Variants in ABI2 observed in about 807,000 individuals in gnomAD.
ABI2 encodes the protein abl interactor 2.
In ABI2, 25 loss-of-function variants were observed where a neutral mutation model predicts 59.2. That is an observed-to-expected ratio of 0.42 (90% CI 0.31 to 0.59). The LOEUF (loss-of-function observed/expected upper bound fraction) is 0.59. Among genes scored for constraint, ABI2 ranks in the 20% least tolerant of loss-of-function variants. ABI2 has a pLI of 0.14. For missense variants in ABI2, 545 were observed against 681.8 expected (o/e 0.80, Z 2.23); for synonymous variants, 213 against 235.5 (o/e 0.90, Z 0.87).
chr2:203,365,436 C>T (rs1305558516), intron 1 of ABI2, among the ~76,000 whole-genome samples: 1 of 151,900 alleles, frequency 6.6e-6, no homozygotes, highest in South Asian at 2.1e-4. Context: ...TTGTCTGTAC[C>T]TTTTTCTTAT....
At chr2:203,416,876 A>G (rs1163820509) in intron 10 of ABI2, 32 bp from the exon 11 acceptor site, 3 of 1,577,340 alleles carry the variant, frequency 1.9e-6, no homozygotes, top group African/African-American at 2.7e-5. Context: ...TGCATAACAT[A>G]TAGTTTTGTT....
At chr2:203,373,265 A>G (rs2095426074) in intron 2 of ABI2, among the ~76,000 whole-genome samples, 1 of 152,230 alleles carries the variant, frequency 6.6e-6, no homozygotes, top group Admixed American at 6.5e-5. Context: ...GCTGGAGACC[A>G]GCCCGGCCAA....
chr2:203,387,967 A>G (rs538259025), intron 4 of ABI2, among the ~76,000 whole-genome samples: 5 of 152,280 alleles, frequency 3.3e-5, no homozygotes, highest in South Asian at 4.2e-4. Context: ...TTTAGGATCA[A>G]TCATGATGGC....
At chr2:203,411,446 A>G (rs2097671852) in intron 10 of ABI2, 75 bp downstream of exon 10, 19 of 1,158,932 alleles carry the variant, frequency 1.6e-5, no homozygotes, top group Non-Finnish European at 2.3e-5. Context: ...TTGACTGGAT[A>G]GTCATTCATT....
intron 1 of ABI2, among the ~76,000 whole-genome samples, chr2:203,330,408 A>C (rs2072400520): frequency 6.6e-6 from 1 of 152,096 alleles, no homozygotes; most frequent in Non-Finnish European, 1.5e-5. Context: ...AAAAAAAAAA[A>C]AAAGATTCAC....
intron 1 of ABI2, among the ~76,000 whole-genome samples, chr2:203,333,282 T>C (rs1321025678): frequency 6.6e-6 from 1 of 152,254 alleles, no homozygotes; most frequent in African/African-American, 2.4e-5. Context: ...ACTCATACTT[T>C]TAAATATTTT....
intron 11 of ABI2, among the ~76,000 whole-genome samples, chr2:203,419,152 C>T (rs1034511134): frequency 2.7e-5 from 4 of 149,976 alleles, no homozygotes; most frequent in Admixed American, 1.3e-4. Flanking sequence ...TCTTGTTGCC[C>T]AGGCTGGAGT....
At chr2:203,339,580 CAAAAA>C (rs943110280) in intron 1 of ABI2, among the ~76,000 whole-genome samples, 1 of 59,120 alleles carries the variant, frequency 1.7e-5, no homozygotes, top group Non-Finnish European at 3.5e-5. Flanking sequence ...GACTCCGTCT[CAAAAA>C]AAAAAAAAAA....
chr2:203,408,989 C>G (rs1342699151), intron 9 of ABI2, among the ~76,000 whole-genome samples: 1 of 150,034 alleles, frequency 6.7e-6, no homozygotes, highest in Non-Finnish European at 1.5e-5. Context: ...CAGGCGCCCG[C>G]CACCGCGCCC....
At position 203,390,443 on chromosome 2, in the gene ABI2, G is replaced by A. The variant is rs147795481; in HGVS notation, c.481-603G>A. 2.8e-3 allele frequency among the ~76,000 whole-genome samples: 433 copies of A among 152,138 alleles called. 3 individuals carry two copies. The highest frequency in any genetic ancestry group is 0.01 in the African/African-American group (422 of 41,514). On this transcript the variant is annotated intron_variant, in intron 4 of 11. Transcript: ENST00000261018. ...GCTCAGGAGTTTGAGATCAGCCTGG[G>A]CAACACGGTGAAACCCTGTCTCTAC...
At chr2:203,394,585 TA>T in intron 5 of ABI2, 114 bp from the exon 6 acceptor site, 2 of 1,067,152 alleles carry the variant, frequency 1.9e-6, no homozygotes, top group Non-Finnish European at 2.7e-6. Context: ...TGGGTTATGT[TA>T]AAACACATTT....
intron 1 of ABI2, among the ~76,000 whole-genome samples, chr2:203,361,474 G>T (rs2093496849): frequency 6.6e-6 from 1 of 152,022 alleles, no homozygotes; most frequent in African/African-American, 2.4e-5. Context: ...TCTCAGAAAA[G>T]AAAAAAGTTC....
At chr2:203,370,554 C>G (rs2153052277) in intron 2 of ABI2, among the ~76,000 whole-genome samples, 1 of 152,348 alleles carries the variant, frequency 6.6e-6, no homozygotes, top group East Asian at 1.9e-4. Context: ...GGGCCACATT[C>G]TGGCATGGAG....
rs1312712237 is a variant in ABI2 at position 203,368,984 on chromosome 2, A to AATTTTTTTTTTTTTTTTTTTTT, written c.285+1940_285+1941insATTTTTTTTTTTTTTTTTTTTT. 2.0e-4 allele frequency among the ~76,000 whole-genome samples: 18 copies of AATTTTTTTTTTTTTTTTTTTTT among 91,118 alleles called. 8 individuals are homozygous for AATTTTTTTTTTTTTTTTTTTTT. The highest frequency in any genetic ancestry group is 1.4e-4 in the Non-Finnish European group (7 of 48,338). 59.8% of individuals were successfully genotyped at this position (91,118 alleles called of 152,430 possible). On this transcript the variant is annotated intron_variant, in intron 2 of 11. Transcript: ENST00000261018. ...TACAGGCACGTGCCATGCTTGGCTG[A>AATTTTTTTTTTTTTTTTTTTTT]TTTTTTTTTTTTTTTTTTTTTTTTT...
rs2098487771 is a variant in ABI2, at chr2:203,431,985, TTA to T, written c.*4635_*4636del. The T allele has an allele frequency of 6.6e-6, 1 of 152,160 alleles. No individual in the cohort carries two copies. The highest frequency in any genetic ancestry group is 6.5e-5 in the Admixed American group (1 of 15,280). The allele number at this position is 152,160 out of a possible 1,614,324, so 9.4% of individuals were successfully genotyped here. ...GCTCCCAGAGGGAGAGTTGGTGGTATTATGAGTTGAGTAAAAACCATCCAGGG... is the reference window on the plus strand; with the variant it reads ...GCTCCCAGAGGGAGAGTTGGTGGTATTGAGTTGAGTAAAAACCATCCAGGG... On this transcript the variant is annotated 3_prime_UTR_variant, in exon 12 of 12. Transcript: ENST00000261018.
At chr2:203,361,382 C>G (rs1466350274) in intron 1 of ABI2, among the ~76,000 whole-genome samples, 2 of 152,072 alleles carry the variant, frequency 1.3e-5, no homozygotes, top group Non-Finnish European at 2.9e-5. Context: ...GCCTCTAGTC[C>G]CAGCTGCTTG....
intron 1 of ABI2, among the ~76,000 whole-genome samples, chr2:203,352,410 G>C (rs1296401389): frequency 1.3e-5 from 2 of 152,138 alleles, no homozygotes; most frequent in Non-Finnish European, 2.9e-5. Flanking sequence ...TGAAGGCATT[G>C]TTATCAGAGG....
chr2:203,426,180 G>A (rs971424660), intron 11 of ABI2, among the ~76,000 whole-genome samples: 25 of 152,126 alleles, frequency 1.6e-4, no homozygotes, highest in Non-Finnish European at 3.4e-4. Context: ...GTTTCTCATT[G>A]ATTTATGTGA....
rs1468504275 is a variant in ABI2 at position 203,380,404 on chromosome 2, A to C, written c.462+20A>C. On this transcript the variant is annotated intron_variant, in intron 3 of 11. Transcript: ENST00000261018. ...GTAAAGGTAGGTATAATTTTTTTCA[A>C]GCTTTTAAAAGTAGTAACCCATAAT... is the stretch of plus-strand genomic sequence containing the variant. 6.7e-7 allele frequency: 1 copy of C among 1,481,812 alleles called. No homozygotes were observed. Among genetic ancestry groups the C allele is most frequent in the Non-Finnish European group, 9.0e-7 (1 of 1,109,912 alleles). The allele number at this position is 1,481,812 out of a possible 1,614,324, so 91.8% of individuals were successfully genotyped here.
Sources: gnomAD v4.1 joint callset for allele counts (sites outside exome capture counted in the v4.1 genomes callset) on GRCh38, gnomAD v4.1.1 for gene constraint, MANE v1.5 for transcripts, NCBI Gene and HGNC (gene_info 2026-07-23, HGNC 2026-07-21) for gene names.